Variants in DAAM2 observed in about 807,000 individuals in gnomAD.
DAAM2 encodes the protein dishevelled associated activator of morphogenesis 2.
DAAM2 carries 39 observed loss-of-function variants against 120.7 expected under a neutral mutation model. That is an observed-to-expected ratio of 0.32 (90% CI 0.25 to 0.42). The LOEUF is 0.42. Among genes scored for constraint, DAAM2 ranks in the 10% least tolerant of loss-of-function variants. The probability of loss-of-function intolerance (pLI) is 1.00; values close to 1 mark genes in which losing one functional copy is unlikely to be tolerated. For missense variants in DAAM2, 1,283 were observed against 1,401.7 expected, an observed-to-expected ratio of 0.92 and a Z score of 1.35; for synonymous variants, 488 against 524.9, an observed-to-expected ratio of 0.93 and a Z score of 0.96.
chr6:39,879,288 T>TCCCCCCCCCCCCCCCCCC lies in DAAM2; in HGVS notation c.1661_1662insCCCCCCCCCCCCCCCCCC (p.Pro554_Pro559dup). The TCCCCCCCCCCCCCCCCCC allele has an allele frequency of 1.4e-6, 2 of 1,451,752 alleles. No individual in the cohort carries two copies. Among genetic ancestry groups the TCCCCCCCCCCCCCCCCCC allele is most frequent in the South Asian group, 1.2e-5 (1 of 80,638 alleles). The allele number at this position is 1,451,752 out of a possible 1,614,324, so 89.9% of individuals were successfully genotyped here. ...CTCCTCCTCTGCCCTTTGCCTGTTGTCCCCCTCCCCCACCACCACCCCTTC... is the reference window on the plus strand; with the variant it reads ...CTCCTCCTCTGCCCTTTGCCTGTTGTCCCCCCCCCCCCCCCCCCCCCCCTCCCCCACCACCACCCCTTC... On this transcript the variant is annotated inframe_insertion, in exon 14 of 25. Coordinates refer to ENST00000274867, the MANE Select transcript of DAAM2 (RefSeq NM_001201427.2).
At chr6:39,818,439 A>T (rs2114112449) in intron 1 of DAAM2, among the ~76,000 whole-genome samples, 1 of 152,288 alleles carries the variant, frequency 6.6e-6, no homozygotes, top group East Asian at 1.9e-4. Flanking sequence ...TTATCTGAGG[A>T]TGAAAGAAAG....
At chr6:39,813,507 G>A (rs1039257138) in intron 1 of DAAM2, among the ~76,000 whole-genome samples, 1 of 152,182 alleles carries the variant, frequency 6.6e-6, no homozygotes, top group African/African-American at 2.4e-5. Flanking sequence ...TGAGCAGAGT[G>A]TGTGTGGAGT....
At position 39,861,011 on chromosome 6, in the gene DAAM2, G is replaced by A. The variant is rs1239546258; in HGVS notation, c.252G>A (p.Lys84=). Residue 84 remains lysine, a synonymous_variant, in exon 3 of 25, where the codon AAG becomes AAA. Coordinates refer to ENST00000274867, the MANE Select transcript of DAAM2 (RefSeq NM_001201427.2). ...AGAAATGGCAGATCTACTGCAGCAA[G>A]AAGAAGGTGCCCTCTCTGACCCCTC... is the stretch of plus-strand genomic sequence containing the variant. ...PEKKWQIYCS[K]KKEQEDPNKL... The A allele has an allele frequency of 6.2e-7, 1 of 1,610,140 alleles. No homozygotes were observed. Among genetic ancestry groups the A allele is most frequent in the African/African-American group, 1.3e-5 (1 of 74,982 alleles).
intron 1 of DAAM2, among the ~76,000 whole-genome samples, chr6:39,796,125 C>T (rs1232034273): frequency 6.6e-6 from 1 of 152,108 alleles, no homozygotes; most frequent in African/African-American, 2.4e-5. Flanking sequence ...AGGCTGCCCC[C>T]TGAACCCTGA....
intron 14 of DAAM2, 115 bp from the exon 15 acceptor site, chr6:39,883,847 A>G (rs1765247879): frequency 1.4e-6 from 1 of 690,986 alleles, no homozygotes; most frequent in Non-Finnish European, 2.6e-6. Flanking sequence ...AAGGTCTGAA[A>G]TCCTGGTCAT....
Position 39,900,064 on chromosome 6 carries a change from C to T in DAAM2, c.2680-13C>T. 6.3e-7 allele frequency: 1 copy of T among 1,598,534 alleles called. No homozygotes were observed. Among genetic ancestry groups the T allele is most frequent in the Non-Finnish European group, 8.5e-7 (1 of 1,172,790 alleles). On this transcript the variant is annotated splice_polypyrimidine_tract_variant and intron_variant, in intron 22 of 24. Coordinates refer to ENST00000274867, the MANE Select transcript of DAAM2 (RefSeq NM_001201427.2). ...GGCACCAGTCTAAGCAGCACTTCAC[C>T]CTCCCTCCTCAGGAGCTGGAGTATC...
chr6:39,865,026 A>C lies in DAAM2; in HGVS notation c.380A>C (p.Asn127Thr). The C allele has an allele frequency of 1.2e-6, 2 of 1,607,920 alleles. No homozygotes were observed. The highest frequency in any genetic ancestry group is 1.7e-6 in the Non-Finnish European group (2 of 1,177,406). Residue 127 changes from asparagine to threonine, a missense_variant, in exon 5 of 25, where the codon AAC (asparagine) becomes ACC (threonine). Asn to Thr is a moderately conservative substitution (Grantham distance 65, BLOSUM62 0). This residue lies in a region of DAAM2 where 197 missense variants were observed against 189.3 expected (regional missense o/e 1.04). Transcript: ENST00000274867. ...GATGAGGAGGAGACGGAGATGAGGAACCAAGTCGTGGAAGACCTGAAGACA... is the reference window on the plus strand; with the variant it reads ...GATGAGGAGGAGACGGAGATGAGGACCCAAGTCGTGGAAGACCTGAAGACA... ...AFDEEETEMRNQVVEDLKTAL... is the reference protein window; with the variant it reads ...AFDEEETEMRTQVVEDLKTAL...
chr6:39,851,760 C>T lies in DAAM2; in HGVS notation c.-56-4487C>T, dbSNP rs142022106. ...TGGGAAGCCTTTGGGAATAGGATCG[C>T]GCAGGCAGTATGAAAGGTCAGAGCT... On this transcript the variant is annotated intron_variant, in intron 1 of 24. Transcript: ENST00000274867. 2.2e-3 allele frequency among the ~76,000 whole-genome samples: 333 copies of T among 152,264 alleles called. 2 individuals are homozygous for T. The Middle Eastern group carries it at 0.031, about 14-fold the overall frequency.
chr6:39,845,087 C>T (rs1472647371), intron 1 of DAAM2, among the ~76,000 whole-genome samples: 2 of 134,024 alleles, frequency 1.5e-5, no homozygotes, highest in African/African-American at 2.7e-5. Context: ...ACATATACAA[C>T]ACATATATAC....
At position 39,879,261 on chromosome 6, in the gene DAAM2, C is replaced by A. The variant is rs1405372598; in HGVS notation, c.1629C>A (p.Pro543=). The A allele has an allele frequency of 1.3e-6, 2 of 1,533,450 alleles. No homozygotes were observed. Among genetic ancestry groups the A allele is most frequent in the African/African-American group, 1.4e-5 (1 of 73,122 alleles). The allele number at this position is 1,533,450 out of a possible 1,614,324, so 95.0% of individuals were successfully genotyped here. ...TGACAACCAATGACCTGCCTCCACC[C>A]CCTCCTCCTCTGCCCTTTGCCTGTT... is the stretch of plus-strand genomic sequence containing the variant. ...SSMTTNDLPP[P]PPPLPFACCP... is the part of the protein sequence containing the mutation. Residue 543 remains proline, a synonymous_variant, in exon 14 of 25, where the codon CCC becomes CCA. Transcript: ENST00000274867.
chr6:39,846,210 A>G (rs971081084), intron 1 of DAAM2, among the ~76,000 whole-genome samples: 7 of 152,142 alleles, frequency 4.6e-5, no homozygotes, highest in Non-Finnish European at 4.4e-5. Flanking sequence ...ACCTGCACGT[A>G]CCCAGCCCCA....
chr6:39,879,203 C>T lies in DAAM2; in HGVS notation c.1571C>T (p.Pro524Leu). The T allele has an allele frequency of 6.5e-7, 1 of 1,549,516 alleles. No individual in the cohort carries two copies. The highest frequency in any genetic ancestry group is 2.4e-5 in the East Asian group (1 of 40,908). Residue 524 changes from proline to leucine, a missense_variant, in exon 14 of 25, where the codon CCC becomes CTC. Pro to Leu is a moderately conservative substitution (Grantham distance 98). Around this residue, in one of 3 missense-constraint regions of DAAM2, gnomAD observed 748 missense variants for 768.6 expected, o/e 0.97. Coordinates refer to ENST00000274867, the MANE Select transcript of DAAM2 (RefSeq NM_001201427.2). ...LSTGPVSSPPPPGGPLTLSSS... is the reference protein window; with the variant it reads ...LSTGPVSSPPLPGGPLTLSSS... Reference sequence around the variant, plus strand: ...ACAGGCCCTGTATCTTCCCCACCACCCCCTGGGGGCCCACTCACCTTGTCT... The same window carrying T: ...ACAGGCCCTGTATCTTCCCCACCACTCCCTGGGGGCCCACTCACCTTGTCT...
intron 1 of DAAM2, among the ~76,000 whole-genome samples, chr6:39,842,080 A>G (rs2149254641): frequency 6.6e-6 from 1 of 152,250 alleles, no homozygotes; most frequent in East Asian, 1.9e-4. Flanking sequence ...CACTTGAGAA[A>G]CCTATTGAGG....
In DAAM2 at chr6:39,878,654, G is replaced by C. The variant is rs894961961; in HGVS notation, c.1545+66G>C. 4 of 1,505,476 alleles carry C rather than the reference G, an allele frequency of 2.7e-6. No homozygotes were observed. In the African/African-American group the frequency reaches 5.6e-5, roughly 21 times the overall value. 93.3% of individuals were successfully genotyped at this position (1,505,476 alleles called of 1,614,324 possible). ...CCTGGGCTTCAGGACTGGGTGGGCA[G>C]AGCAGGTGTCGGAGAGGCCAAGGAC... On this transcript the variant is annotated intron_variant, in intron 13 of 24. Transcript: ENST00000274867. The surrounding 1 kb of genome is among the most constrained non-coding windows in gnomAD (Gnocchi z 5.0).
Position 39,878,576 on chromosome 6 carries a change from C to A in DAAM2, c.1533C>A (p.Leu511=). Residue 511 remains leucine, a synonymous_variant, in exon 13 of 25, where the codon CTC becomes CTA. Coordinates refer to ENST00000274867, the MANE Select transcript of DAAM2 (RefSeq NM_001201427.2). This position sits in a 1 kb window ranked among gnomAD's most constrained non-coding sequence, Gnocchi z 5.0. ...RGQVAELVAQ[L]SELSTGPVSS... Reference sequence around the variant, plus strand: ...AAGTGGCAGAGCTGGTAGCCCAGCTCAGTGAACTCTCAGTATGCAAGCATC... The same window carrying A: ...AAGTGGCAGAGCTGGTAGCCCAGCTAAGTGAACTCTCAGTATGCAAGCATC... 1 of 1,604,996 alleles carries A rather than the reference C, an allele frequency of 6.2e-7. No homozygotes were observed. The highest frequency in any genetic ancestry group is 1.1e-5 in the South Asian group (1 of 88,884).
intron 1 of DAAM2, among the ~76,000 whole-genome samples, chr6:39,798,872 C>T (rs1299602732): frequency 1.4e-5 from 1 of 71,108 alleles, no homozygotes; most frequent in African/African-American, 4.5e-5. Context: ...TCTGTCATCA[C>T]ATTGAACACA....
intron 1 of DAAM2, among the ~76,000 whole-genome samples, chr6:39,842,814 G>A (rs1763402082): frequency 6.6e-6 from 1 of 151,926 alleles, no homozygotes; most frequent in East Asian, 1.9e-4. Context: ...CATCTGCAGT[G>A]GGGATGGATG....
At chr6:39,805,487 A>G (rs970279127) in intron 1 of DAAM2, among the ~76,000 whole-genome samples, 1 of 152,078 alleles carries the variant, frequency 6.6e-6, no homozygotes, top group Non-Finnish European at 1.5e-5. Flanking sequence ...ACTGCAACAC[A>G]TGGATGAGGA....
At chr6:39,871,132 T>A (rs1224472003) in intron 8 of DAAM2, among the ~76,000 whole-genome samples, 1 of 152,178 alleles carries the variant, frequency 6.6e-6, no homozygotes, top group Non-Finnish European at 1.5e-5. Context: ...GACATTACAT[T>A]CTTGGTTGTC....
Sources: gnomAD v4.1 joint callset for allele counts (sites outside exome capture counted in the v4.1 genomes callset) on GRCh38, gnomAD v4.1.1 for gene constraint, gnomAD v4.1.1 regional missense constraint, Gnocchi (gnomAD v3.1) non-coding constraint, MANE v1.5 for transcripts, NCBI Gene and HGNC (gene_info 2026-07-23, HGNC 2026-07-21) for gene names.